Variants in SLC30A3 observed in about 807,000 individuals in gnomAD.
SLC30A3 encodes the protein solute carrier family 30 member 3.
A neutral mutation model predicts 35.6 loss-of-function variants in SLC30A3; 20 were observed. The ratio of observed to expected loss-of-function variants is 0.56; its 90% CI spans 0.39 to 0.82. The LOEUF (loss-of-function observed/expected upper bound fraction) is 0.82. SLC30A3 is among the 40% of genes least tolerant of loss of function. The pLI is 0.00. For synonymous variants in SLC30A3, 217 were observed against 224.7 expected (o/e 0.97, Z 0.31); for missense variants, 401 against 530.6 (o/e 0.76, Z 2.40).
upstream of SLC30A3, chr2:27,275,342 C>T (rs542575919): frequency 9.6e-4 from 591 of 618,286 alleles, 1 homozygote; most frequent in Non-Finnish European, 1.2e-3. Flanking sequence ...CCTGCTAAGC[C>T]CTCCGCTCTC....
intron 1 of SLC30A3, chr2:27,275,037 AG>A (rs1196356632): frequency 2.4e-6 from 1 of 416,008 alleles, no homozygotes; most frequent in Non-Finnish European, 4.7e-6. Flanking sequence ...TGTCAGGAAC[AG>A]GGGCATATGA....
At chr2:27,267,159 G>T (rs924774478), upstream of SLC30A3, among the ~76,000 whole-genome samples, 4 of 152,016 alleles carry the variant, frequency 2.6e-5, no homozygotes, top group African/African-American at 9.7e-5. Context: ...GGTCATCCTC[G>T]ACTCCTCTAT....
rs201605221 is a variant in SLC30A3 at position 27,257,135 on chromosome 2, A to G, written c.777+19T>C. 20 of 1,610,842 alleles carry G rather than the reference A, an allele frequency of 1.2e-5. No individual in the cohort carries two copies. In the East Asian group the frequency reaches 4.2e-4, roughly 34 times the overall value. On this transcript the variant is annotated intron_variant, in intron 5 of 7. Transcript: ENST00000233535. The surrounding 1 kb of genome is among the most constrained non-coding windows in gnomAD (Gnocchi z 4.7). ...TGGTTGTGGGGAGGAAGGCTGGGGC[A>G]GGTCTCCAATGATGGTACCTTGAAG...
intron 1 of SLC30A3, among the ~76,000 whole-genome samples, chr2:27,272,570 T>A (rs577551985): frequency 6.6e-6 from 1 of 150,988 alleles, no homozygotes; most frequent in South Asian, 2.1e-4. Context: ...CTCGGCTCAC[T>A]GCAACCTCCG....
upstream of SLC30A3, chr2:27,263,237 C>A: frequency 1.7e-6 from 1 of 591,876 alleles, no homozygotes. Context: ...CTGGAGAACT[C>A]CTCATCTCCA....
chr2:27,261,425 T>C (rs529787857), intron 1 of SLC30A3, among the ~76,000 whole-genome samples: 1 of 152,158 alleles, frequency 6.6e-6, no homozygotes, highest in African/African-American at 2.4e-5. Context: ...TGAGTGAAGA[T>C]GGACTGGAGT....
rs146854352 is a variant in SLC30A3, at chr2:27,271,185, ATCTC to A, written c.-159+3988_-159+3991del. Among the ~76,000 whole-genome samples the A allele has an allele frequency of 6.6e-6, 1 of 152,136 alleles. No homozygotes were observed. Among genetic ancestry groups the A allele is most frequent in the Non-Finnish European group, 1.5e-5 (1 of 68,028 alleles). ...TGGTGGTTGAATGTGACAAATTGTG[ATCTC>A]TCTCTCTCCCACTGCATATGTTCCA... On this transcript the variant is annotated intron_variant, in intron 1 of 5. Coordinates refer to the SLC30A3 transcript ENST00000424577. This position sits in a 1 kb window ranked among gnomAD's most constrained non-coding sequence, Gnocchi z 4.3.
chr2:27,265,174 G>A (rs1677444865), upstream of SLC30A3, among the ~76,000 whole-genome samples: 1 of 152,318 alleles, frequency 6.6e-6, no homozygotes. The surrounding 1 kb of genome is among the most constrained non-coding windows in gnomAD (Gnocchi z 5.9). Flanking sequence ...GGCAGCCCGC[G>A]CGGCCAGCAG....
Position 27,254,826 on chromosome 2 carries a change from C to T in SLC30A3, c.*486G>A, listed in dbSNP as rs60095993. 1,436 of 297,228 alleles carry T rather than the reference C, an allele frequency of 4.8e-3. 20 individuals carry two copies. Among genetic ancestry groups the T allele is most frequent in the African/African-American group, 0.028 (1,239 of 44,938 alleles). 18.4% of individuals were successfully genotyped at this position (297,228 alleles called of 1,614,324 possible). ...GACAAAACCACAGGGCTAAGACACA[C>T]GGACAAAGTGCGGGCTTTGGGGCCC... On this transcript the variant is annotated 3_prime_UTR_variant, in exon 8 of 8. Coordinates refer to ENST00000233535, the MANE Select transcript of SLC30A3 (RefSeq NM_003459.5).
chr2:27,270,915 G>A (rs929203523), intron 1 of SLC30A3, among the ~76,000 whole-genome samples: 3 of 152,158 alleles, frequency 2.0e-5, no homozygotes, highest in African/African-American at 7.2e-5. Flanking sequence ...ACCCATGAGA[G>A]GATGTGAATA....
At position 27,262,383 on chromosome 2, in the gene SLC30A3, GA is replaced by G. The variant is rs2148134716; in HGVS notation, c.95+428del. On this transcript the variant is annotated intron_variant, in intron 1 of 7. Transcript: ENST00000233535. This position sits in a 1 kb window ranked among gnomAD's most constrained non-coding sequence, Gnocchi z 7.5. The stretch of plus-strand genomic sequence containing the variant: ...TGGCCGCGGCTGGAGGGGGCGCGCG[GA>G]GGGGAGCCCCCGGGGCCTACAGAGG... Among the ~76,000 whole-genome samples the G allele has an allele frequency of 6.6e-6, 1 of 152,034 alleles. No homozygotes were observed. The highest frequency in any genetic ancestry group is 2.1e-4 in the South Asian group (1 of 4,834).
rs1386510512 is a variant in SLC30A3, at chr2:27,274,466, CAT to C, written c.-159+709_-159+710del. ...CCAAGTAACAAAGCTTTTTCTACTA[CAT>C]GTTACAGGAGCCATTGAGTGCTCTT... On this transcript the variant is annotated intron_variant, in intron 1 of 5. Coordinates refer to the SLC30A3 transcript ENST00000424577. 5.3e-5 allele frequency among the ~76,000 whole-genome samples: 8 copies of C among 152,192 alleles called. No individual in the cohort carries two copies. The South Asian group carries it at 6.2e-4, about 12-fold the overall frequency.
In SLC30A3 at chr2:27,258,434, T is replaced by A; in HGVS notation, c.278-127A>T. 1.2e-6 allele frequency: 1 copy of A among 847,998 alleles called. No individual in the cohort carries two copies. Among genetic ancestry groups the A allele is most frequent in the Non-Finnish European group, 1.8e-6 (1 of 562,466 alleles). The allele number at this position is 847,998 out of a possible 1,614,324, so 52.5% of individuals were successfully genotyped here. A position where few individuals can be genotyped will look rare whatever the true frequency, so the allele number is the denominator to read the frequency against. On this transcript the variant is annotated intron_variant, in intron 2 of 7. Transcript: ENST00000233535. This position sits in a 1 kb window ranked among gnomAD's most constrained non-coding sequence, Gnocchi z 4.0. ...TTGGGGTTTTCTCAGGTGATGGGAC[T>A]ACAGGTATAATTAACTACTGTTATG...
chr2:27,275,441 C>T, upstream of SLC30A3: 5 of 356,134 alleles, frequency 1.4e-5, no homozygotes, highest in South Asian at 1.0e-4. Flanking sequence ...CTGCCCAGAC[C>T]CTCAGCGTCG....
chr2:27,266,968 T>C (rs2148146781), upstream of SLC30A3, among the ~76,000 whole-genome samples: 1 of 145,538 alleles, frequency 6.9e-6, no homozygotes, highest in Non-Finnish European at 1.5e-5. Flanking sequence ...TCCAAACTCA[T>C]ATATCCACAT....
chr2:27,255,273 A>G lies in SLC30A3; in HGVS notation c.*39T>C. The G allele has an allele frequency of 3.1e-6, 5 of 1,611,474 alleles. No homozygotes were observed. Among genetic ancestry groups the G allele is most frequent in the Non-Finnish European group, 4.2e-6 (5 of 1,178,564 alleles). ...AGCAGATGCTGAGAGTCTGGGGCTG[A>G]GCCTCGGCCTGGCAGTGGGGTGAGG... On this transcript the variant is annotated 3_prime_UTR_variant, in exon 8 of 8. Transcript: ENST00000233535. This position sits in a 1 kb window ranked among gnomAD's most constrained non-coding sequence, Gnocchi z 5.2.
At chr2:27,266,694 G>C (rs62130705), upstream of SLC30A3, among the ~76,000 whole-genome samples, 36,939 of 152,022 alleles carry the variant, frequency 0.24, 4,757 homozygotes, top group Admixed American at 0.36. Flanking sequence ...TCAGGAGTTT[G>C]AGACCATCCT....
At chr2:27,265,047 G>A (rs2148143348), upstream of SLC30A3, among the ~76,000 whole-genome samples, 1 of 152,358 alleles carries the variant, frequency 6.6e-6, no homozygotes, top group East Asian at 1.9e-4. The surrounding 1 kb of genome is among the most constrained non-coding windows in gnomAD (Gnocchi z 5.9). Flanking sequence ...GGGTGAGCTC[G>A]AGAATGGGGA....
At chr2:27,256,246 G>C (rs1457087455) in intron 7 of SLC30A3, 140 bp downstream of exon 7, 1 of 952,428 alleles carries the variant, frequency 1.0e-6, no homozygotes, top group Non-Finnish European at 1.6e-6. Flanking sequence ...GTGTGTATGT[G>C]TCTATGTGAG....
Sources: gnomAD v4.1 joint callset for allele counts (sites outside exome capture counted in the v4.1 genomes callset) on GRCh38, gnomAD v4.1.1 for gene constraint, Gnocchi (gnomAD v3.1) non-coding constraint, MANE v1.5 for transcripts, NCBI Gene and HGNC (gene_info 2026-07-23, HGNC 2026-07-21) for gene names.